Variants in RFC5 observed in about 807,000 individuals in gnomAD.
RFC5 encodes replication factor C subunit 5, also known as A1 36 kDa subunit.
In RFC5, 26 loss-of-function variants were observed where a neutral mutation model predicts 44.3. That is an observed-to-expected ratio of 0.59 (90% CI 0.43 to 0.81). The LOEUF (loss-of-function observed/expected upper bound fraction) is 0.81, where lower values mean the gene tolerates loss of function less well. Ranked by LOEUF, RFC5 falls within the 40% of genes least tolerant of loss-of-function variation. The pLI is 0.00. For missense variants in RFC5, 328 were observed against 418.6 expected (o/e 0.78, Z 1.89); for synonymous variants, 155 against 155.2 (o/e 1.00, Z 0.01).
At chr12:118,039,869 G>A in the RFC5 span, among the ~76,000 whole-genome samples, 3 of 151,458 alleles carry the variant, frequency 2.0e-5, no homozygotes, top group African/African-American at 4.9e-5. Flanking sequence ...TCAGCCTCCC[G>A]AGTAGCTGGG....
At chr12:118,018,169 C>G (rs2030232644) in intron 1 of RFC5, 1 of 589,924 alleles carries the variant, frequency 1.7e-6, no homozygotes. Flanking sequence ...CTTGTTATGG[C>G]TGAATCATAT....
At chr12:118,039,968 A>C in the RFC5 span, among the ~76,000 whole-genome samples, 1 of 151,768 alleles carries the variant, frequency 6.6e-6, no homozygotes, top group African/African-American at 2.4e-5. Context: ...CTGGTCTCGA[A>C]CTCCTGACCT....
chr12:118,028,584 A>G (rs1422685134), intron 9 of RFC5, among the ~76,000 whole-genome samples: 1 of 150,610 alleles, frequency 6.6e-6, no homozygotes, highest in Admixed American at 6.7e-5. Context: ...GGCTAACTTT[A>G]TTTCCTCTAG....
chr12:118,034,761 T>G, downstream of RFC5: 1 of 559,932 alleles, frequency 1.8e-6, no homozygotes, highest in Non-Finnish European at 3.1e-6. Context: ...ACTTGGCCCA[T>G]TAGGTGGCAT....
intron 5 of RFC5, 108 bp downstream of exon 5, chr12:118,022,467 T>A: frequency 1.4e-6 from 1 of 738,692 alleles, no homozygotes; most frequent in Non-Finnish European, 2.3e-6. Context: ...GGGGGGGAGT[T>A]TTTTTTTCTT....
At chr12:118,038,231 C>T in the RFC5 span, 1 of 1,526,432 alleles carries the variant, frequency 6.6e-7, no homozygotes, top group East Asian at 2.3e-5. Flanking sequence ...ACACACCAGG[C>T]CACCACTTCA....
chr12:118,039,325 G>A, the RFC5 span, among the ~76,000 whole-genome samples: 1 of 152,186 alleles, frequency 6.6e-6, no homozygotes, highest in African/African-American at 2.4e-5. Context: ...TATAGAGGAT[G>A]GGTGAATAAA....
chr12:118,018,502 A>T (rs530909280), intron 1 of RFC5, among the ~76,000 whole-genome samples: 2 of 152,294 alleles, frequency 1.3e-5, no homozygotes, highest in East Asian at 3.9e-4. Context: ...ATATCACTAG[A>T]TGTTCCTAGG....
intron 4 of RFC5, among the ~76,000 whole-genome samples, chr12:118,022,070 A>G (rs1018865399): frequency 6.6e-6 from 1 of 152,232 alleles, no homozygotes; most frequent in African/African-American, 2.4e-5. Flanking sequence ...CACAGCGCAC[A>G]GAAGTAGAGA....
At position 118,024,962 on chromosome 12, in the gene RFC5, C is replaced by T. The variant is rs151244778; in HGVS notation, c.533C>T (p.Thr178Ile). The T allele has an allele frequency of 2.5e-6, 4 of 1,614,130 alleles. No homozygotes were observed. The highest frequency in any genetic ancestry group is 3.4e-6 in the Non-Finnish European group (4 of 1,179,996). ...ACGAGGTTTCGGTTCGGTCCCCTGA[C>T]TCCTGAACTCATGGTTCCCCGCCTG... ...RCTRFRFGPL[T>I]PELMVPRLEH... Residue 178 changes from threonine (T) to isoleucine (I), a missense_variant, in exon 6 of 11, where the codon ACT becomes ATT. Coordinates refer to ENST00000454402, the MANE Select transcript of RFC5 (RefSeq NM_007370.7).
At position 118,029,791 on chromosome 12, in the gene RFC5, C is replaced by G. The variant is rs141299152; in HGVS notation, c.892C>G (p.Arg298Gly). Residue 298 changes from arginine to glycine, a missense_variant, in exon 10 of 11, where the codon CGA becomes GGA. Transcript: ENST00000454402. ...CTCAGTTGACTTTCCATCTTCAGTT[C>G]GAATACATTTATTGACCAAAATGGC... ...VHRVDFPSSV[R>G]IHLLTKMADI... The G allele has an allele frequency of 6.2e-7, 1 of 1,609,850 alleles. No homozygotes were observed. Among genetic ancestry groups the G allele is most frequent in the Admixed American group, 1.7e-5 (1 of 59,998 alleles).
intron 3 of RFC5, 77 bp from the exon 4 acceptor site, chr12:118,020,829 G>T: frequency 1.1e-6 from 1 of 881,928 alleles, no homozygotes. Context: ...GACTGATGAG[G>T]AAATACACTA....
intron 10 of RFC5, among the ~76,000 whole-genome samples, chr12:118,030,631 A>T (rs751367038): frequency 6.6e-6 from 1 of 152,116 alleles, no homozygotes; most frequent in Non-Finnish European, 1.5e-5. Context: ...ACCGCTGTTG[A>T]CACCTAATAA....
At chr12:118,024,357 G>C (rs2030785304) in intron 5 of RFC5, among the ~76,000 whole-genome samples, 1 of 150,332 alleles carries the variant, frequency 6.7e-6, no homozygotes, top group African/African-American at 2.4e-5. Flanking sequence ...GAAAAAAGAG[G>C]AGTGGCTAAT....
intron 1 of RFC5, chr12:118,017,808 T>A: frequency 3.0e-6 from 2 of 672,042 alleles, no homozygotes; most frequent in Non-Finnish European, 5.4e-6. Flanking sequence ...GAACTGGGAC[T>A]TTTAGAGGCG....
chr12:118,026,041 C>T (rs1029704379), intron 7 of RFC5, among the ~76,000 whole-genome samples: 13 of 151,906 alleles, frequency 8.6e-5, no homozygotes, highest in Admixed American at 2.0e-4. Flanking sequence ...TGGGGTTTCG[C>T]CATGTTGGTT....
At position 118,031,087 on chromosome 12, in the gene RFC5, T is replaced by G. The variant is rs2031289430; in HGVS notation, c.927-95T>G. On this transcript the variant is annotated intron_variant, in intron 10 of 10. Coordinates refer to ENST00000454402, the MANE Select transcript of RFC5 (RefSeq NM_007370.7). The stretch of plus-strand genomic sequence containing the variant: ...TTCTATCAATTCCCATCCCCACTCC[T>G]TCAACAGATTTTCAGCCCTAGATCT... 4.9e-6 allele frequency: 4 copies of G among 811,546 alleles called. No homozygotes were observed. The Admixed American group carries it at 8.9e-5, about 18-fold the overall frequency. The allele number at this position is 811,546 out of a possible 1,614,324, so 50.3% of individuals were successfully genotyped here.
chr12:118,025,259 C>A, intron 6 of RFC5: 1 of 432,376 alleles, frequency 2.3e-6, no homozygotes, highest in Non-Finnish European at 4.1e-6. Context: ...GTCCCAATTT[C>A]CTCCTACTCT....
Position 118,031,324 on chromosome 12 carries a change from G to A in RFC5, c.*46G>A, listed in dbSNP as rs1323897435. 1 of 1,275,998 alleles carries A rather than the reference G, an allele frequency of 7.8e-7. No individual in the cohort carries two copies. Among genetic ancestry groups the A allele is most frequent in the African/African-American group, 1.5e-5 (1 of 67,936 alleles). 79.0% of individuals were successfully genotyped at this position (1,275,998 alleles called of 1,614,324 possible). A position where few individuals can be genotyped will look rare whatever the true frequency, so the allele number is the denominator to read the frequency against. On this transcript the variant is annotated 3_prime_UTR_variant, in exon 11 of 11. Coordinates refer to ENST00000454402, the MANE Select transcript of RFC5 (RefSeq NM_007370.7). The stretch of plus-strand genomic sequence containing the variant: ...AATTCTCAGGGCTCAGCAGTGATGG[G>A]AGAACAGAGGACAGTTCCAGGATAA...
Sources: gnomAD v4.1 joint callset for allele counts (sites outside exome capture counted in the v4.1 genomes callset) on GRCh38, gnomAD v4.1.1 for gene constraint, MANE v1.5 for transcripts, NCBI Gene and HGNC (gene_info 2026-07-23, HGNC 2026-07-21) for gene names.